The following TSPAN18 variants were observed in gnomAD, a reference collection of about 807,000 sequenced individuals.
TSPAN18 encodes the protein tetraspanin 18, also known as tetraspanin-18.
In TSPAN18, 14 loss-of-function variants were observed where a neutral mutation model predicts 27.3. That is an observed-to-expected ratio of 0.51 (90% CI 0.34 to 0.80). TSPAN18 has a LOEUF of 0.80. TSPAN18 is among the 30% of genes least tolerant of loss of function. The pLI, the probability that TSPAN18 is intolerant of heterozygous loss-of-function variation, is 0.01. For synonymous variants in TSPAN18, 143 were observed against 136.5 expected (o/e 1.05, Z -0.33); for missense variants, 268 against 323.9 (o/e 0.83, Z 1.32).
chr11:44,871,052 G>T (rs1192253796), intron 3 of TSPAN18, among the ~76,000 whole-genome samples: 1 of 152,162 alleles, frequency 6.6e-6, no homozygotes, highest in Non-Finnish European at 1.5e-5. Flanking sequence ...GGCAGAGCTT[G>T]TAGGGAAGAG....
At chr11:44,897,972 T>G (rs1859123763) in intron 3 of TSPAN18, 6 of 840,466 alleles carry the variant, frequency 7.1e-6, no homozygotes, top group South Asian at 4.2e-5. Context: ...CTGACTTGGC[T>G]TTGTGTATTT....
intron 3 of TSPAN18, among the ~76,000 whole-genome samples, chr11:44,868,454 G>A (rs1858098979): frequency 6.6e-6 from 1 of 152,178 alleles, no homozygotes; most frequent in Non-Finnish European, 1.5e-5. Flanking sequence ...GTGGGTATGG[G>A]TGTGGAGGGC....
intron 3 of TSPAN18, among the ~76,000 whole-genome samples, chr11:44,878,368 C>T (rs570523215): frequency 1.3e-5 from 2 of 152,300 alleles, no homozygotes; most frequent in South Asian, 4.1e-4. Flanking sequence ...TGAGATCCAG[C>T]GTCTCCATCC....
rs149052810 is a variant in TSPAN18, at chr11:44,782,713, C to T, written c.-153+18201C>T. ...TGAGTTTTAGACATTCTAATAGTTG[C>T]GTAACGGTATCGCATTCTGGTTTTA... On this transcript the variant is annotated intron_variant, in intron 2 of 9. Transcript: ENST00000520358. Among the ~76,000 whole-genome samples, 7 of 152,248 alleles carry T rather than the reference C, an allele frequency of 4.6e-5. No individual in the cohort carries two copies. In the East Asian group the frequency reaches 9.7e-4, roughly 21 times the overall value.
intron 1 of TSPAN18, among the ~76,000 whole-genome samples, chr11:44,743,247 C>T (rs1389570090): frequency 6.6e-6 from 1 of 152,098 alleles, no homozygotes; most frequent in Non-Finnish European, 1.5e-5. Context: ...TAAGCCATCA[C>T]CAAGGTTTGC....
intron 3 of TSPAN18, among the ~76,000 whole-genome samples, chr11:44,870,061 G>A (rs958072659): frequency 6.6e-6 from 1 of 152,120 alleles, no homozygotes; most frequent in East Asian, 1.9e-4. Flanking sequence ...TTTTGCCCTT[G>A]TTCCTATTTT....
chr11:44,788,922 A>G (rs1487678122), intron 2 of TSPAN18, among the ~76,000 whole-genome samples: 1 of 152,224 alleles, frequency 6.6e-6, no homozygotes, highest in Admixed American at 6.5e-5. Context: ...GACTGGAAGA[A>G]TCCACGCATG....
At chr11:44,924,516 A>G (rs10742732) in intron 8 of TSPAN18, among the ~76,000 whole-genome samples, 42,292 of 151,884 alleles carry the variant, frequency 0.28, 8,533 homozygotes, top group African/African-American at 0.57. Flanking sequence ...GAAACCCCTC[A>G]AAGAGTTCAC....
chr11:44,764,218 C>T (rs1455082045), intron 1 of TSPAN18, among the ~76,000 whole-genome samples: 1 of 152,140 alleles, frequency 6.6e-6, no homozygotes, highest in African/African-American at 2.4e-5. Flanking sequence ...GCCCCATCTC[C>T]GACACTGGGA....
chr11:44,794,201 C>G (rs835846), intron 2 of TSPAN18, among the ~76,000 whole-genome samples: 6,538 of 152,276 alleles, frequency 0.043, 452 homozygotes, highest in African/African-American at 0.15. Flanking sequence ...CAAGTTTTGT[C>G]TGAGAAACTG....
At chr11:44,824,068 G>T (rs1302241043) in intron 2 of TSPAN18, among the ~76,000 whole-genome samples, 1 of 152,206 alleles carries the variant, frequency 6.6e-6, no homozygotes, top group Non-Finnish European at 1.5e-5. Context: ...ACCTCCTGCT[G>T]TCGGGGTCTT....
intron 3 of TSPAN18, among the ~76,000 whole-genome samples, chr11:44,890,764 T>A (rs1185533597): frequency 9.4e-5 from 13 of 138,962 alleles, no homozygotes; most frequent in Non-Finnish European, 1.5e-4. Flanking sequence ...AAAAAAAAAA[T>A]TTGCTGGGAA....
intron 5 of TSPAN18, among the ~76,000 whole-genome samples, chr11:44,916,034 A>T (rs534184805): frequency 6.6e-6 from 1 of 152,282 alleles, no homozygotes; most frequent in African/African-American, 2.4e-5. Flanking sequence ...GGAGTGACAC[A>T]TCCCCGCCAC....
At chr11:44,877,815 A>G (rs1002569897) in intron 3 of TSPAN18, among the ~76,000 whole-genome samples, 1 of 151,846 alleles carries the variant, frequency 6.6e-6, no homozygotes, top group Admixed American at 6.6e-5. Flanking sequence ...GGGAAAATAG[A>G]TGTCTTTGTT....
chr11:44,914,534 G>T (rs182057054), intron 5 of TSPAN18, among the ~76,000 whole-genome samples: 50 of 152,320 alleles, frequency 3.3e-4, no homozygotes, highest in Non-Finnish European at 5.7e-4. Flanking sequence ...AGAAGAATTG[G>T]TGCTGAGCCT....
chr11:44,857,435 G>A (rs1325402788), intron 2 of TSPAN18, among the ~76,000 whole-genome samples: 9 of 152,244 alleles, frequency 5.9e-5, no homozygotes, highest in Admixed American at 5.9e-4. Context: ...CTCCCCCGTG[G>A]ATGCCAATGC....
At chr11:44,861,848 CTGA>C (rs566701489) in intron 3 of TSPAN18, among the ~76,000 whole-genome samples, 196 of 151,120 alleles carry the variant, frequency 1.3e-3, no homozygotes, top group African/African-American at 4.5e-3. Flanking sequence ...CCCCATGCCT[CTGA>C]TGGATCTGAG....
intron 2 of TSPAN18, among the ~76,000 whole-genome samples, chr11:44,795,188 G>A (rs1856320956): frequency 6.7e-6 from 1 of 148,648 alleles, no homozygotes; most frequent in Non-Finnish European, 1.5e-5. Context: ...CCTTCAACAA[G>A]CTGGGCCAGT....
At chr11:44,798,517 G>C (rs1297177160) in intron 2 of TSPAN18, among the ~76,000 whole-genome samples, 1 of 152,174 alleles carries the variant, frequency 6.6e-6, no homozygotes, top group Non-Finnish European at 1.5e-5. Context: ...TGAGGGACTT[G>C]GTAGCCTCCC....
Sources: allele counts gnomAD v4.1 joint callset (sites outside exome capture counted in the v4.1 genomes callset), GRCh38; gene constraint gnomAD v4.1.1; transcripts MANE v1.5; gene names NCBI Gene and HGNC (gene_info 2026-07-23, HGNC 2026-07-21).